The following SLF1 variants were observed in gnomAD, a reference collection of about 807,000 sequenced individuals.
SLF1 encodes the protein SMC5/6 complex localization factor 1, also known as SMC5-SMC6 complex localization factor protein 1.
In SLF1, 105 loss-of-function variants were observed where a neutral mutation model predicts 123.0. The observed-to-expected ratio is 0.85, with a 90% CI of 0.73 to 1.00. The LOEUF (loss-of-function observed/expected upper bound fraction) is 1.00. SLF1 is among the 50% of genes least tolerant of loss of function. The pLI is 0.00. For synonymous variants in SLF1, 434 were observed against 406.6 expected (o/e 1.07, Z -0.81); for missense variants, 1,239 against 1,223.0 (o/e 1.01, Z -0.20).
intron 1 of SLF1, among the ~76,000 whole-genome samples, chr5:94,627,598 A>ATATATATG (rs1561418973): frequency 1.6e-5 from 2 of 124,600 alleles, no homozygotes; most frequent in African/African-American, 6.1e-5. Flanking sequence ...ATATATATAT[A>ATATATATG]TATATATATA....
chr5:94,651,280 G>A (rs971105164), intron 6 of SLF1, among the ~76,000 whole-genome samples: 6 of 152,136 alleles, frequency 3.9e-5, no homozygotes, highest in African/African-American at 1.4e-4. Flanking sequence ...ATCAACTAAC[G>A]ATGTACTTCT....
chr5:94,654,391 AAAG>A (rs1464129986), intron 8 of SLF1, among the ~76,000 whole-genome samples: 20 of 144,274 alleles, frequency 1.4e-4, no homozygotes, highest in African/African-American at 4.5e-4. Flanking sequence ...AAAAGAGTAA[AAAG>A]AAAAAAAAAA....
Position 94,685,705 on chromosome 5 carries a change from C to T in SLF1, c.1976-868C>T, listed in dbSNP as rs374037910. Among the ~76,000 whole-genome samples the T allele has an allele frequency of 4.6e-5, 7 of 151,930 alleles. No homozygotes were observed. The South Asian group carries it at 1.0e-3, about 23-fold the overall frequency. ...ATTTAAAATTATCCACCATCTGGCA[C>T]GCACCTGTAGTCCCAGCTACTTGGG... On this transcript the variant is annotated intron_variant, in intron 15 of 20. Transcript: ENST00000265140.
chr5:94,677,535 TTA>T (rs1231694142), intron 14 of SLF1, among the ~76,000 whole-genome samples: 3 of 152,194 alleles, frequency 2.0e-5, no homozygotes, highest in Admixed American at 1.3e-4. Flanking sequence ...ATGGGATTAA[TTA>T]GAAAGAAATT....
intron 20 of SLF1, among the ~76,000 whole-genome samples, chr5:94,692,746 T>G (rs1372168874): frequency 6.6e-6 from 1 of 152,166 alleles, no homozygotes; most frequent in Non-Finnish European, 1.5e-5. Context: ...TCATTCACAT[T>G]TTGCAGCCAA....
chr5:94,656,817 T>C (rs1748439216), intron 9 of SLF1, among the ~76,000 whole-genome samples: 1 of 150,906 alleles, frequency 6.6e-6, no homozygotes, highest in Non-Finnish European at 1.5e-5. Flanking sequence ...ATATCAATTA[T>C]AATGTGTCCT....
At chr5:94,670,737 A>G (rs1750342719) in intron 13 of SLF1, 106 bp from the exon 14 acceptor site, 1 of 754,864 alleles carries the variant, frequency 1.3e-6, no homozygotes, top group Admixed American at 2.9e-5. Context: ...ATATTTTATG[A>G]TCTATGTTCA....
At chr5:94,667,830 C>T (rs1180798994) in intron 12 of SLF1, among the ~76,000 whole-genome samples, 1 of 152,152 alleles carries the variant, frequency 6.6e-6, no homozygotes, top group Non-Finnish European at 1.5e-5. Flanking sequence ...CTCACTGCAG[C>T]CTGAAACTCC....
chr5:94,663,838 T>C lies in SLF1; in HGVS notation c.1298T>C (p.Leu433Pro). Residue 433 changes from leucine (L) to proline (P), a missense_variant, in exon 11 of 21, where the codon CTT (leucine) becomes CCT (proline). Leu to Pro is a moderately conservative substitution (Grantham distance 98). Transcript: ENST00000265140. ...TTTTTTAAAGAAGCAATTGAGGAAC[T>C]TTCCACTTTGCAGGCACATTATATC... Reference protein sequence around the residue: ...GHFFKEAIEELSTLQAHYIPP... With the variant: ...GHFFKEAIEEPSTLQAHYIPP... 6.4e-7 allele frequency: 1 copy of C among 1,551,030 alleles called. No homozygotes were observed. Among genetic ancestry groups the C allele is most frequent in the Non-Finnish European group, 8.7e-7 (1 of 1,146,750 alleles).
chr5:94,634,525 T>C (rs1185180550), intron 4 of SLF1, among the ~76,000 whole-genome samples: 1 of 152,234 alleles, frequency 6.6e-6, no homozygotes, highest in Non-Finnish European at 1.5e-5. Context: ...TTCTAAAGTC[T>C]ACATATTATT....
chr5:94,664,001 C>T (rs113031486), intron 11 of SLF1, 93 bp downstream of exon 11: 24 of 1,263,210 alleles, frequency 1.9e-5, no homozygotes, highest in Non-Finnish European at 2.5e-5. Context: ...AGTTTATTTT[C>T]CCTGTTCAGT....
chr5:94,691,370 T>TA (rs1174654199), intron 18 of SLF1, 194 bp from the exon 19 acceptor site: 2 of 503,344 alleles, frequency 4.0e-6, no homozygotes, highest in Non-Finnish European at 7.0e-6. Context: ...CAGTATGGAT[T>TA]GGTGGGGGTC....
intron 5 of SLF1, among the ~76,000 whole-genome samples, chr5:94,645,410 A>G (rs940205825): frequency 1.3e-5 from 2 of 152,190 alleles, no homozygotes; most frequent in African/African-American, 4.8e-5. Context: ...TCTGTGTGGT[A>G]ATTCATTTCC....
At chr5:94,620,574 A>T (rs1307782526) in intron 1 of SLF1, among the ~76,000 whole-genome samples, 2 of 152,212 alleles carry the variant, frequency 1.3e-5, no homozygotes, top group Non-Finnish European at 2.9e-5. Context: ...ATTACCCTAA[A>T]GTAGGGTTTT....
At chr5:94,690,762 CACTT>C (rs1229766292) in intron 18 of SLF1, among the ~76,000 whole-genome samples, 1 of 152,008 alleles carries the variant, frequency 6.6e-6, no homozygotes, top group Non-Finnish European at 1.5e-5. Flanking sequence ...CTTAAATAAT[CACTT>C]ATATCTTATT....
intron 1 of SLF1, among the ~76,000 whole-genome samples, chr5:94,626,121 C>T (rs949447007): frequency 1.7e-4 from 26 of 151,584 alleles, no homozygotes; most frequent in Admixed American, 2.0e-4. Context: ...GGCCTGGTGG[C>T]GGGCGCCTGT....
chr5:94,642,198 A>G (rs925708465), intron 4 of SLF1, among the ~76,000 whole-genome samples: 4 of 152,172 alleles, frequency 2.6e-5, no homozygotes, highest in Admixed American at 2.6e-4. Context: ...AAGTGGGCCT[A>G]GTTTTACATC....
rs1304861112 is a variant in SLF1 at position 94,634,340 on chromosome 5, C to CACCA, written c.431+3598_431+3601dup. 3.3e-5 allele frequency among the ~76,000 whole-genome samples: 5 copies of CACCA among 152,136 alleles called. No individual in the cohort carries two copies. In the East Asian group the frequency reaches 9.6e-4, roughly 29 times the overall value. On this transcript the variant is annotated intron_variant, in intron 4 of 20. Coordinates refer to ENST00000265140, the MANE Select transcript of SLF1 (RefSeq NM_032290.4). ...CCACCTCCATCCAGCCTTTGGTAAC[C>CACCA]ACCATTCTGCTCTCTGCACCTATGC...
Position 94,695,024 on chromosome 5 carries a change from G to A in SLF1, c.2889G>A (p.Leu963=). The stretch of plus-strand genomic sequence containing the variant: ...GCTCCTTTTTACTTAGTAGGATGTT[G>A]CTAAATTTTTGTTCAATTTTTGATT... The part of the protein sequence containing the change: ...EFGSFLLSRM[L]LNFCSIFDLS... The change falls in exon 21 of 21, where the codon TTG becomes TTA. Residue 963 remains leucine (L), a synonymous_variant. Transcript: ENST00000265140. The A allele has an allele frequency of 6.2e-7, 1 of 1,612,190 alleles. No homozygotes were observed. The highest frequency in any genetic ancestry group is 1.1e-5 in the South Asian group (1 of 90,950).
Sources: gnomAD v4.1 joint callset for allele counts (sites outside exome capture counted in the v4.1 genomes callset) on GRCh38, gnomAD v4.1.1 for gene constraint, MANE v1.5 for transcripts, NCBI Gene and HGNC (gene_info 2026-07-23, HGNC 2026-07-21) for gene names.